Variants in CHD1 observed in about 807,000 individuals in gnomAD.
CHD1 encodes ATP-dependent chromatin remodeler CHD1.
CHD1 carries 36 observed loss-of-function variants against 224.2 expected under a neutral mutation model. The observed-to-expected ratio is 0.16, with a 90% CI of 0.12 to 0.21. The LOEUF is 0.21. Among genes scored for constraint, CHD1 ranks in the 10% least tolerant of loss-of-function variants. The pLI is 1.00. For missense variants in CHD1, 1,378 were observed against 1,994.8 expected (o/e 0.69, Z 5.89); for synonymous variants, 668 against 658.3 (o/e 1.01, Z -0.23).
At chr5:98,891,976 G>A (rs1177485713) in intron 15 of CHD1, among the ~76,000 whole-genome samples, 1 of 152,128 alleles carries the variant, frequency 6.6e-6, no homozygotes, top group African/African-American at 2.4e-5. Flanking sequence ...ATTTACCATA[G>A]AATATAAATG....
chr5:98,865,458 T>C (rs765082885), intron 31 of CHD1, among the ~76,000 whole-genome samples: 20 of 152,074 alleles, frequency 1.3e-4, no homozygotes, highest in Non-Finnish European at 2.8e-4. Flanking sequence ...GAGGTATGAG[T>C]AGGATGGAAG....
At chr5:98,886,366 T>C (rs184430521) in intron 17 of CHD1, 11 of 152,318 alleles carry the variant, frequency 7.2e-5, no homozygotes, top group African/African-American at 2.6e-4. Context: ...GACATAATAG[T>C]AGTCCCTCCT....
intron 20 of CHD1, 126 bp from the exon 21 acceptor site, chr5:98,881,501 G>A (rs998812162): frequency 1.9e-6 from 1 of 513,490 alleles, no homozygotes. Context: ...GACAAATCAA[G>A]TATTAGAATC....
At chr5:98,873,824 T>C in intron 25 of CHD1, 101 bp from the exon 26 acceptor site, 3 of 1,037,902 alleles carry the variant, frequency 2.9e-6, no homozygotes, top group Non-Finnish European at 4.2e-6. Flanking sequence ...ATCACTCTAC[T>C]GCATGCTCTA....
In CHD1 at chr5:98,881,983, G is replaced by A; in HGVS notation, c.2859C>T (p.Ala953=). The A allele has an allele frequency of 6.2e-7, 1 of 1,612,492 alleles. No homozygotes were observed. The highest frequency in any genetic ancestry group is 8.5e-7 in the Non-Finnish European group (1 of 1,179,374). ...AATAATCAAGTAACCACCTTGATGGGGCAGAACCTGTATGTAGTACTGTCT... is the reference window on the plus strand; with the variant it reads ...AATAATCAAGTAACCACCTTGATGGAGCAGAACCTGTATGTAGTACTGTCT... The part of the protein sequence containing the change: ...TGKTVLHTGS[A]PSSSTPFNKE... Residue 953 remains alanine, a synonymous_variant, in exon 20 of 36, where the codon GCC becomes GCT. Coordinates refer to ENST00000614616, the MANE Select transcript of CHD1 (RefSeq NM_001270.4).
intron 8 of CHD1, among the ~76,000 whole-genome samples, chr5:98,899,103 A>G (rs1335742019): frequency 6.6e-6 from 1 of 152,162 alleles, no homozygotes; most frequent in Non-Finnish European, 1.5e-5. Flanking sequence ...GAATCTGAGG[A>G]TGCTCAAGTC....
chr5:98,875,759 T>C (rs1392930738), intron 24 of CHD1, among the ~76,000 whole-genome samples: 3 of 152,192 alleles, frequency 2.0e-5, no homozygotes, highest in African/African-American at 7.2e-5. Context: ...AGAAAAAAGT[T>C]ACAATGGCTT....
rs545709692 is a variant in CHD1 at position 98,868,489 on chromosome 5, G to C, written c.4248+6C>G. On this transcript the variant is annotated splice_donor_region_variant and intron_variant, in intron 31 of 35. Coordinates refer to ENST00000614616, the MANE Select transcript of CHD1 (RefSeq NM_001270.4). Reference sequence around the variant, plus strand: ...AATACTAATAATCAGAAAGTCTAAGGCTTACAATGCTGAATGTCTTCTGAT... The same window carrying C: ...AATACTAATAATCAGAAAGTCTAAGCCTTACAATGCTGAATGTCTTCTGAT... 8 of 1,603,568 alleles carry C rather than the reference G, an allele frequency of 5.0e-6. No individual in the cohort carries two copies. Among genetic ancestry groups the C allele is most frequent in the Admixed American group, 1.8e-5 (1 of 56,652 alleles).
At chr5:98,898,630 A>G in intron 9 of CHD1, 34 bp downstream of exon 9, 1 of 1,372,796 alleles carries the variant, frequency 7.3e-7, no homozygotes, top group Non-Finnish European at 1.0e-6. Flanking sequence ...TCAAGCATAA[A>G]AAGAAAGTTT....
At chr5:98,904,849 C>A in intron 3 of CHD1, 48 bp downstream of exon 3, 1 of 1,554,158 alleles carries the variant, frequency 6.4e-7, no homozygotes, top group South Asian at 1.1e-5. Flanking sequence ...TAAATTTTCC[C>A]AAAGTAATAC....
chr5:98,884,609 G>A (rs569232700), intron 18 of CHD1, among the ~76,000 whole-genome samples: 1 of 152,148 alleles, frequency 6.6e-6, no homozygotes, highest in Non-Finnish European at 1.5e-5. Context: ...CACCACTACA[G>A]AGCTTACTCA....
chr5:98,896,169 A>G, intron 12 of CHD1, 57 bp downstream of exon 12: 2 of 1,440,320 alleles, frequency 1.4e-6, no homozygotes, highest in Non-Finnish European at 2.0e-6. Flanking sequence ...CAACAAAAAC[A>G]CTTGATCTCA....
rs114686183 is a variant in CHD1 at position 98,893,859 on chromosome 5, C to T, written c.1801-253G>A. Among the ~76,000 whole-genome samples the T allele has an allele frequency of 4.6e-3, 703 of 152,030 alleles. 8 individuals carry two copies. The highest frequency in any genetic ancestry group is 0.016 in the African/African-American group (684 of 41,484). On this transcript the variant is annotated intron_variant, in intron 13 of 35. Coordinates refer to ENST00000614616, the MANE Select transcript of CHD1 (RefSeq NM_001270.4). ...TATTAGCTTATAAACTGATAATTAA[C>T]GGAGAAAAATCAGCAGTGTCATTTA...
chr5:98,910,220 T>C (rs913623052), intron 2 of CHD1, among the ~76,000 whole-genome samples: 18 of 152,138 alleles, frequency 1.2e-4, no homozygotes, highest in African/African-American at 3.9e-4. Flanking sequence ...ATGTCATCAC[T>C]CGGGTTGAGT....
At chr5:98,894,107 C>T (rs933393903) in intron 13 of CHD1, among the ~76,000 whole-genome samples, 1 of 152,196 alleles carries the variant, frequency 6.6e-6, no homozygotes, top group Non-Finnish European at 1.5e-5. Flanking sequence ...CAGCCAAGTT[C>T]ATTAAATTCT....
intron 17 of CHD1, 103 bp downstream of exon 17, chr5:98,887,985 T>C (rs1375279186): frequency 1.5e-6 from 1 of 667,554 alleles, no homozygotes; most frequent in East Asian, 3.2e-5. Context: ...AAGTACAGTT[T>C]ATATAAAAAC....
Position 98,868,600 on chromosome 5 carries a change from G to C in CHD1, c.4143C>G (p.Ser1381=). The C allele has an allele frequency of 6.2e-7, 1 of 1,604,838 alleles. No homozygotes were observed. Among genetic ancestry groups the C allele is most frequent in the South Asian group, 1.1e-5 (1 of 89,124 alleles). ...SESKSDGRER[S]KKSSVSDAPV... is the part of the protein sequence containing the mutation. ...GAGCATCTGACACTGAAGATTTCTT[G>C]GATCTTTCCCTACCATCAGACTTGG... The change falls in exon 31 of 36, where the codon TCC becomes TCG. Residue 1381 remains serine, a synonymous_variant. Transcript: ENST00000614616.
At chr5:98,904,688 CTT>C (rs968858957) in intron 3 of CHD1, among the ~76,000 whole-genome samples, 1 of 152,196 alleles carries the variant, frequency 6.6e-6, no homozygotes, top group African/African-American at 2.4e-5. Context: ...GTAATTTACA[CTT>C]TGTGTTTTCT....
At chr5:98,866,075 C>T (rs982699965) in intron 31 of CHD1, among the ~76,000 whole-genome samples, 1 of 151,944 alleles carries the variant, frequency 6.6e-6, no homozygotes, top group African/African-American at 2.4e-5. Context: ...AAGAATACCA[C>T]CTCCCCTGAC....
Sources: allele counts gnomAD v4.1 joint callset (sites outside exome capture counted in the v4.1 genomes callset), GRCh38; gene constraint gnomAD v4.1.1; transcripts MANE v1.5; gene names NCBI Gene and HGNC (gene_info 2026-07-23, HGNC 2026-07-21).